C19orf44: variants seen among roughly 807,000 people sequenced by gnomAD.
The protein encoded by C19orf44 is chromosome 19 open reading frame 44.
C19orf44 carries 43 observed loss-of-function variants against 50.7 expected under a neutral mutation model. The ratio of observed to expected loss-of-function variants is 0.85; its 90% CI spans 0.66 to 1.09. The LOEUF is 1.09. C19orf44 is among the 50% of genes least tolerant of loss of function. C19orf44 has a pLI of 0.00. For missense variants in C19orf44, 722 were observed against 836.2 expected, an observed-to-expected ratio of 0.86 and a Z score of 1.68; for synonymous variants, 298 against 334.7, an observed-to-expected ratio of 0.89 and a Z score of 1.20.
intron 6 of C19orf44, among the ~76,000 whole-genome samples, chr19:16,514,133 G>A (rs946591710): frequency 6.6e-6 from 1 of 151,706 alleles, no homozygotes; most frequent in Non-Finnish European, 1.5e-5. Context: ...GACTACAGGT[G>A]TCTGCCACTA....
chr19:16,506,352 G>T (rs1441172933), intron 3 of C19orf44, among the ~76,000 whole-genome samples: 1 of 152,064 alleles, frequency 6.6e-6, no homozygotes, highest in African/African-American at 2.4e-5. Flanking sequence ...CCAGCACTTT[G>T]GGAGGCCGAG....
intron 1 of C19orf44, among the ~76,000 whole-genome samples, chr19:16,498,740 G>A (rs887656724): frequency 1.3e-5 from 2 of 151,490 alleles, no homozygotes; most frequent in Non-Finnish European, 2.9e-5. Flanking sequence ...GCGCGATCTC[G>A]GTTCACTGCA....
At chr19:16,510,128 C>T (rs2093452982) in intron 5 of C19orf44, 140 bp downstream of exon 5, 1 of 1,336,468 alleles carries the variant, frequency 7.5e-7, no homozygotes. Flanking sequence ...AGGGGTTGGC[C>T]AAGCAAGGTG....
chr19:16,506,682 A>C lies in C19orf44; in HGVS notation c.1076-19A>C. On this transcript the variant is annotated intron_variant, in intron 3 of 8. Coordinates refer to ENST00000221671, the MANE Select transcript of C19orf44 (RefSeq NM_032207.4). ...TAAGAGAGTAAATGTAAACGCTTATACTCATTTTTTAATTACAGAGTTTAG... is the reference window on the plus strand; with the variant it reads ...TAAGAGAGTAAATGTAAACGCTTATCCTCATTTTTTAATTACAGAGTTTAG... The C allele has an allele frequency of 2.0e-6, 3 of 1,531,888 alleles. No homozygotes were observed. In the South Asian group the frequency reaches 3.7e-5, roughly 19 times the overall value. 94.9% of individuals were successfully genotyped at this position (1,531,888 alleles called of 1,614,324 possible). A position where few individuals can be genotyped will look rare whatever the true frequency, so the allele number is the denominator to read the frequency against.
chr19:16,516,970 G>GATC (rs2085540798), intron 7 of C19orf44, among the ~76,000 whole-genome samples: 1 of 152,162 alleles, frequency 6.6e-6, no homozygotes, highest in African/African-American at 2.4e-5. Context: ...GCTTCTCCCT[G>GATC]ATCTCAGCCA....
chr19:16,520,128 G>A lies in C19orf44; in HGVS notation c.*75G>A. 1.9e-6 allele frequency: 3 copies of A among 1,606,260 alleles called. No individual in the cohort carries two copies. The highest frequency in any genetic ancestry group is 2.6e-6 in the Non-Finnish European group (3 of 1,174,526). On this transcript the variant is annotated 3_prime_UTR_variant, in exon 9 of 9. Transcript: ENST00000221671. The surrounding 1 kb of genome is among the most constrained non-coding windows in gnomAD (Gnocchi z 4.0). ...GCAGCTTCCCAGAGTTACCAGCGCA[G>A]CACTTAAGACAGGATCTTACGGCGG...
chr19:16,508,068 G>A (rs1437599718), intron 4 of C19orf44, among the ~76,000 whole-genome samples: 1 of 151,886 alleles, frequency 6.6e-6, no homozygotes, highest in Non-Finnish European at 1.5e-5. Context: ...GCCTCCCAGA[G>A]TGCTGGGATT....
At chr19:16,514,996 C>A (rs966091088) in intron 7 of C19orf44, among the ~76,000 whole-genome samples, 8 of 152,242 alleles carry the variant, frequency 5.3e-5, no homozygotes, top group Non-Finnish European at 1.2e-4. Context: ...CCTGAGACAT[C>A]CCCGAGATGG....
intron 4 of C19orf44, among the ~76,000 whole-genome samples, chr19:16,509,275 A>T (rs547563092): frequency 2.0e-5 from 3 of 152,234 alleles, no homozygotes; most frequent in East Asian, 3.9e-4. Context: ...CGTGCCACCT[A>T]AGCATGCGTC....
At position 16,501,194 on chromosome 19, in the gene C19orf44, C is replaced by A; in HGVS notation, c.402C>A (p.Ile134=). 1.2e-6 allele frequency: 2 copies of A among 1,614,148 alleles called. No individual in the cohort carries two copies. ...GTCTTCCAAAGAGAGCTGACAGAATCCTCTCTGGGGGTGCACTCGAACTCG... is the reference window on the plus strand; with the variant it reads ...GTCTTCCAAAGAGAGCTGACAGAATACTCTCTGGGGGTGCACTCGAACTCG... The part of the protein sequence containing the change: ...DAGLPKRADR[I]LSGGALELAS... The change falls in exon 2 of 9, where the codon ATC becomes ATA. Residue 134 remains isoleucine, a synonymous_variant. Transcript: ENST00000221671.
intron 2 of C19orf44, among the ~76,000 whole-genome samples, chr19:16,502,550 T>G (rs2093428573): frequency 6.6e-6 from 1 of 152,150 alleles, no homozygotes; most frequent in Non-Finnish European, 1.5e-5. Context: ...TGGAATTATT[T>G]TCTACTCCCA....
chr19:16,516,924 G>A (rs1014246894), intron 7 of C19orf44, among the ~76,000 whole-genome samples: 1 of 152,230 alleles, frequency 6.6e-6, no homozygotes, highest in Admixed American at 6.5e-5. Flanking sequence ...CCACCTGGCT[G>A]CAGCCCACCA....
At position 16,518,739 on chromosome 19, in the gene C19orf44, G is replaced by C. The variant is rs1363113061; in HGVS notation, c.*41-1355G>C. ...GGCCGGTGGGTGCGGGGAGCTGGAG[G>C]AAGGAGCTGGGGTGCCGGCTCTGGC... is the stretch of plus-strand genomic sequence containing the variant. On this transcript the variant is annotated intron_variant, in intron 8 of 8. Transcript: ENST00000221671. The C allele has an allele frequency of 1.9e-5, 4 of 212,682 alleles. No homozygotes were observed. In the Admixed American group the frequency reaches 2.3e-4, roughly 12 times the overall value. The allele number at this position is 212,682 out of a possible 1,614,324, so 13.2% of individuals were successfully genotyped here. A position where few individuals can be genotyped will look rare whatever the true frequency, so the allele number is the denominator to read the frequency against.
chr19:16,512,484 T>C (rs894827436), intron 5 of C19orf44, among the ~76,000 whole-genome samples: 2 of 151,906 alleles, frequency 1.3e-5, no homozygotes, highest in African/African-American at 4.8e-5. Context: ...GAGCCACCGC[T>C]GCACCCAGCT....
intron 7 of C19orf44, among the ~76,000 whole-genome samples, 173 bp from the exon 8 acceptor site, chr19:16,517,057 G>A (rs1381384873): frequency 2.0e-5 from 3 of 152,196 alleles, no homozygotes; most frequent in Non-Finnish European, 4.4e-5. Context: ...TCTACCCTGT[G>A]TTCCCACAGC....
At chr19:16,502,173 G>A (rs2093427316) in intron 2 of C19orf44, among the ~76,000 whole-genome samples, 1 of 151,396 alleles carries the variant, frequency 6.6e-6, no homozygotes, top group African/African-American at 2.4e-5. Flanking sequence ...GCCTCCCAAA[G>A]TGCTGGGATT....
intron 8 of C19orf44, chr19:16,518,427 T>TG (rs1195626794): frequency 6.6e-6 from 1 of 152,076 alleles, no homozygotes; most frequent in Non-Finnish European, 1.5e-5. Context: ...GTTTCCCAGA[T>TG]AACAGCAAAT....
At chr19:16,507,599 C>T (rs1009062761) in intron 4 of C19orf44, among the ~76,000 whole-genome samples, 3 of 150,246 alleles carry the variant, frequency 2.0e-5, no homozygotes, top group African/African-American at 7.3e-5. Context: ...TCAAACGATT[C>T]TCCTGCCTCT....
chr19:16,504,518 C>T (rs750409994), intron 3 of C19orf44, among the ~76,000 whole-genome samples: 2 of 152,150 alleles, frequency 1.3e-5, no homozygotes, highest in African/African-American at 2.4e-5. Flanking sequence ...ACACCACACA[C>T]GTACTTCTCA....
Sources: allele counts gnomAD v4.1 joint callset (sites outside exome capture counted in the v4.1 genomes callset), GRCh38; gene constraint gnomAD v4.1.1; non-coding constraint Gnocchi (gnomAD v3.1); transcripts MANE v1.5; gene names NCBI Gene and HGNC (gene_info 2026-07-23, HGNC 2026-07-21).